The following OPHN1 variants were observed in gnomAD, a reference collection of about 807,000 sequenced individuals.
OPHN1 encodes the protein oligophrenin 1, also known as oligophrenin-1.
A neutral mutation model predicts 60.7 loss-of-function variants in OPHN1; 11 were observed. That is an observed-to-expected ratio of 0.18 (90% confidence interval 0.11 to 0.30). The LOEUF (loss-of-function observed/expected upper bound fraction) is 0.30. OPHN1 is among the 10% of genes least tolerant of loss of function. The pLI is 1.00. For missense variants in OPHN1, 449 were observed against 611.0 expected (o/e 0.73, Z 2.80); for synonymous variants, 226 against 222.6 (o/e 1.02, Z -0.14).
rs7884007 is a variant in OPHN1, at chrX:68,383,318, G to A, written c.154+49549C>T. 7.2e-3 allele frequency among the ~76,000 whole-genome samples: 803 copies of A among 110,816 alleles called. 8 individuals carry two copies. The highest frequency in any genetic ancestry group is 0.025 in the African/African-American group (759 of 30,520). Reference sequence around the variant, plus strand: ...TTAAACAGGCAGTGTTTGGCTGGGCGTGGTGGCTCACGCCTACAATCTCAG... The same window carrying A: ...TTAAACAGGCAGTGTTTGGCTGGGCATGGTGGCTCACGCCTACAATCTCAG... On this transcript the variant is annotated intron_variant, in intron 2 of 24. Coordinates refer to ENST00000355520, the MANE Select transcript of OPHN1 (RefSeq NM_002547.3).
chrX:68,205,187 C>T (rs184749221), intron 10 of OPHN1, among the ~76,000 whole-genome samples: 92 of 111,469 alleles, frequency 8.3e-4, no homozygotes, highest in Non-Finnish European at 1.5e-3. Flanking sequence ...GTGGCTCACA[C>T]GTGTAATCCC....
intron 2 of OPHN1, among the ~76,000 whole-genome samples, chrX:68,408,216 A>G (rs1472078113): frequency 8.9e-6 from 1 of 112,454 alleles, no homozygotes; most frequent in East Asian, 2.8e-4. Context: ...GGACTATTGA[A>G]CTCTACATAA....
At chrX:68,160,726 T>C (rs969942849) in intron 15 of OPHN1, among the ~76,000 whole-genome samples, 2 of 111,030 alleles carry the variant, frequency 1.8e-5, no homozygotes, top group Non-Finnish European at 3.8e-5. Context: ...TTCAGATGAA[T>C]AGAGATGAAA....
intron 2 of OPHN1, among the ~76,000 whole-genome samples, chrX:68,374,608 T>C (rs1443206217): frequency 1.8e-5 from 2 of 110,469 alleles, no homozygotes; most frequent in Non-Finnish European, 1.9e-5. Flanking sequence ...TGCATCACTA[T>C]GCCTGGCTAA....
intron 2 of OPHN1, among the ~76,000 whole-genome samples, chrX:68,338,792 A>C (rs2078336237): frequency 9.0e-6 from 1 of 111,651 alleles, no homozygotes; most frequent in Non-Finnish European, 1.9e-5. Flanking sequence ...CATACAAAAA[A>C]TTCTGGGCGC....
At chrX:68,169,191 G>A in intron 15 of OPHN1, among the ~76,000 whole-genome samples, 1 of 111,319 alleles carries the variant, frequency 9.0e-6, no homozygotes, top group Non-Finnish European at 1.9e-5. Context: ...TTGCTTCAAA[G>A]AGAATAAAAT....
intron 2 of OPHN1, among the ~76,000 whole-genome samples, chrX:68,405,271 A>G (rs1218807778): frequency 9.0e-6 from 1 of 111,504 alleles, no homozygotes; most frequent in Non-Finnish European, 1.9e-5. Flanking sequence ...TGGTGTGATT[A>G]TAGCTCACTA....
At chrX:68,275,771 A>G (rs920885544) in intron 4 of OPHN1, among the ~76,000 whole-genome samples, 4 of 112,110 alleles carry the variant, frequency 3.6e-5, no homozygotes, top group African/African-American at 1.3e-4. Flanking sequence ...CAATCTAAGA[A>G]GCAATTTTTA....
chrX:68,328,304 A>G (rs1405183695), intron 2 of OPHN1, among the ~76,000 whole-genome samples: 1 of 106,634 alleles, frequency 9.4e-6, no homozygotes, highest in Non-Finnish European at 1.9e-5. Context: ...AATTTTTTGT[A>G]TTTTTAGTAG....
intron 15 of OPHN1, among the ~76,000 whole-genome samples, chrX:68,170,348 T>C (rs1369691833): frequency 3.8e-5 from 4 of 106,138 alleles, no homozygotes; most frequent in South Asian, 8.9e-4. Flanking sequence ...TGTAAACTAG[T>C]TCAACCCTTG....
intron 2 of OPHN1, among the ~76,000 whole-genome samples, chrX:68,373,899 G>T (rs188753336): frequency 6.1e-4 from 68 of 110,574 alleles, no homozygotes; most frequent in Non-Finnish European, 2.1e-4. Flanking sequence ...TAGTACAATT[G>T]GGGGAAGAAA....
chrX:68,377,973 A>C (rs1208078812), intron 2 of OPHN1, among the ~76,000 whole-genome samples: 1 of 111,861 alleles, frequency 8.9e-6, no homozygotes, highest in Non-Finnish European at 1.9e-5. Flanking sequence ...GTCAAATGGT[A>C]TTTCTAGTTC....
intron 6 of OPHN1, among the ~76,000 whole-genome samples, chrX:68,233,032 G>A (rs907942038): frequency 9.2e-6 from 1 of 109,149 alleles, no homozygotes; most frequent in Non-Finnish European, 1.9e-5. Flanking sequence ...GGGTTCAAGC[G>A]ATTCTTCTTC....
At chrX:68,418,384 CAG>C (rs1235425684) in intron 2 of OPHN1, among the ~76,000 whole-genome samples, 1 of 111,076 alleles carries the variant, frequency 9.0e-6, no homozygotes, top group East Asian at 2.8e-4. Context: ...CAGGGTTTTA[CAG>C]AGACTGAGCT....
intron 15 of OPHN1, among the ~76,000 whole-genome samples, chrX:68,126,038 T>A (rs2077170426): frequency 9.9e-6 from 1 of 100,754 alleles, no homozygotes; most frequent in Admixed American, 1.1e-4. Context: ...AAATCCTTCA[T>A]CATGACCAAG....
chrX:68,398,320 TCTGCTGCTCCATTAATTGTTTTCAG>T (rs1483327109), intron 2 of OPHN1, among the ~76,000 whole-genome samples: 1 of 112,142 alleles, frequency 8.9e-6, no homozygotes, highest in East Asian at 2.8e-4. Context: ...TGGTTTTTCA[TCTGCTGCTCCATTAATTGTTTTCAG>T]CTGCAACTAT....
intron 2 of OPHN1, among the ~76,000 whole-genome samples, chrX:68,323,886 G>A (rs907557578): frequency 8.9e-6 from 1 of 111,818 alleles, no homozygotes; most frequent in African/African-American, 3.2e-5. Context: ...AAAAGCATTT[G>A]ATTAAAATGC....
intron 2 of OPHN1, among the ~76,000 whole-genome samples, chrX:68,317,852 G>A (rs1363752760): frequency 9.0e-6 from 1 of 111,290 alleles, no homozygotes; most frequent in Non-Finnish European, 1.9e-5. Context: ...ACAACACACT[G>A]AGGCCAGGCA....
At chrX:68,210,117 T>C (rs769905119) in intron 9 of OPHN1, 36 bp downstream of exon 9, 2 of 1,206,959 alleles carry the variant, frequency 1.7e-6, no homozygotes, top group South Asian at 1.8e-5. Context: ...TCCTGGCTTA[T>C]TGAAACCCAA....
Sources: gnomAD v4.1 joint callset for allele counts (sites outside exome capture counted in the v4.1 genomes callset) on GRCh38, gnomAD v4.1.1 for gene constraint, MANE v1.5 for transcripts, NCBI Gene and HGNC (gene_info 2026-07-23, HGNC 2026-07-21) for gene names.